CD80: variants seen among roughly 807,000 people sequenced by gnomAD.
CD80 encodes the protein T-lymphocyte activation antigen CD80.
Under a neutral mutation model 27.1 loss-of-function variants are expected in CD80, and 13 were observed. The ratio of observed to expected loss-of-function variants is 0.48; its 90% CI spans 0.31 to 0.76. The LOEUF is 0.76. CD80 is among the 30% of genes least tolerant of loss of function. CD80 has a pLI of 0.04. For synonymous variants in CD80, 125 were observed against 125.5 expected, an observed-to-expected ratio of 1.00 and a Z score of 0.03; for missense variants, 277 against 347.9, an observed-to-expected ratio of 0.80 and a Z score of 1.62.
At chr3:119,532,412 G>A (rs2082115761) in intron 4 of CD80, among the ~76,000 whole-genome samples, 1 of 151,876 alleles carries the variant, frequency 6.6e-6, no homozygotes, top group South Asian at 2.1e-4. Context: ...AGAATTGCTT[G>A]AACCAGGGAG....
chr3:119,524,669 A>T lies in CD80; in HGVS notation c.*1119T>A, dbSNP rs1479005777. 2.0e-5 allele frequency: 3 copies of T among 152,252 alleles called. No homozygotes were observed. The highest frequency in any genetic ancestry group is 4.4e-5 in the Non-Finnish European group (3 of 68,044). 9.4% of individuals were successfully genotyped at this position (152,252 alleles called of 1,614,324 possible). ...TTTTGCTGTTCAACTCCAGATTTTC[A>T]GATGATAATGTGATTATCCCAGCTT... On this transcript the variant is annotated 3_prime_UTR_variant, in exon 7 of 7. Coordinates refer to ENST00000264246, the MANE Select transcript of CD80 (RefSeq NM_005191.4).
At position 119,537,316 on chromosome 3, in the gene CD80, G is replaced by A. The variant is rs557789334; in HGVS notation, c.521C>T (p.Ser174Phe). 1,101 of 1,614,080 alleles carry A rather than the reference G, an allele frequency of 6.8e-4. 17 individuals carry two copies. The South Asian group carries it at 0.011, about 17-fold the overall frequency. ...TSGGFPEPHL[S>F]WLENGEELNA... ...TAATTCTTCTCCATTTTCCAACCAG[G>A]AGAGGTGAGGCTCTGGAAAACCTCC... is the stretch of plus-strand genomic sequence containing the variant. Residue 174 changes from serine to phenylalanine, a missense_variant, in exon 4 of 7, where the codon TCC becomes TTC. Coordinates refer to ENST00000264246, the MANE Select transcript of CD80 (RefSeq NM_005191.4).
At chr3:119,551,196 G>T (rs1189491634) in intron 2 of CD80, among the ~76,000 whole-genome samples, 1 of 152,156 alleles carries the variant, frequency 6.6e-6, no homozygotes, top group Non-Finnish European at 1.5e-5. Context: ...ATGAGGTCTG[G>T]CTCCATCCAC....
chr3:119,552,848 T>C (rs2082241662), intron 2 of CD80, among the ~76,000 whole-genome samples: 1 of 152,236 alleles, frequency 6.6e-6, no homozygotes, highest in Admixed American at 6.5e-5. Flanking sequence ...GTCCAGAATA[T>C]TCTTTCTTAC....
rs2082189064 is a variant in CD80 at position 119,544,530 on chromosome 3, A to T, written c.418+20T>A. The T allele has an allele frequency of 6.2e-7, 1 of 1,605,094 alleles. No individual in the cohort carries two copies. The highest frequency in any genetic ancestry group is 1.3e-5 in the African/African-American group (1 of 74,768). Reference sequence around the variant, plus strand: ...TTAAGAATCTGCCGGCCTAGAGTAAAATCAGAAAATCCCACCAACCTTTGA... The same window carrying T: ...TTAAGAATCTGCCGGCCTAGAGTAATATCAGAAAATCCCACCAACCTTTGA... On this transcript the variant is annotated intron_variant, in intron 3 of 6. Transcript: ENST00000264246.
At chr3:119,546,258 C>T (rs1302416958) in intron 2 of CD80, among the ~76,000 whole-genome samples, 5 of 152,134 alleles carry the variant, frequency 3.3e-5, no homozygotes, top group African/African-American at 1.2e-4. Flanking sequence ...GTTCTGGGTA[C>T]AGTGGTGGTG....
intron 2 of CD80, among the ~76,000 whole-genome samples, chr3:119,551,925 C>G (rs543097188): frequency 6.6e-6 from 1 of 152,350 alleles, no homozygotes; most frequent in Admixed American, 6.5e-5. Flanking sequence ...GCACCTCTAC[C>G]CAGCAGCAGT....
Position 119,557,786 on chromosome 3 carries a change from AG to A in CD80, c.-59del. 7.8e-7 allele frequency: 1 copy of A among 1,274,814 alleles called. No homozygotes were observed. The highest frequency in any genetic ancestry group is 1.1e-6 in the Non-Finnish European group (1 of 899,564). The allele number at this position is 1,274,814 out of a possible 1,614,324, so 79.0% of individuals were successfully genotyped here. A position where few individuals can be genotyped will look rare whatever the true frequency, so the allele number is the denominator to read the frequency against. On this transcript the variant is annotated 5_prime_UTR_variant, in exon 2 of 7. Transcript: ENST00000264246. ...CAACAATTTGGACCCAAGTAAGACC[AG>A]GGCACTTCCCAGGTGCAAAACAGGC...
intron 2 of CD80, among the ~76,000 whole-genome samples, chr3:119,549,258 T>C (rs2080936019): frequency 6.6e-6 from 1 of 152,074 alleles, no homozygotes; most frequent in African/African-American, 2.4e-5. Flanking sequence ...GCTAAAAGAG[T>C]TTTTATTTAA....
At chr3:119,543,983 G>C (rs952191207) in intron 3 of CD80, among the ~76,000 whole-genome samples, 2 of 150,912 alleles carry the variant, frequency 1.3e-5, no homozygotes, top group Admixed American at 6.6e-5. Context: ...CCGCCTCCCA[G>C]GTTCAAGCGA....
intron 2 of CD80, among the ~76,000 whole-genome samples, chr3:119,554,660 G>C (rs2082252992): frequency 6.6e-6 from 1 of 152,150 alleles, no homozygotes; most frequent in African/African-American, 2.4e-5. Context: ...TGTGGCAGGA[G>C]AGGAAGGCCT....
intron 3 of CD80, among the ~76,000 whole-genome samples, chr3:119,541,016 C>A (rs889396241): frequency 6.6e-6 from 1 of 151,764 alleles, no homozygotes; most frequent in African/African-American, 2.4e-5. Context: ...CCACTGCACT[C>A]TAGCCTGGGT....
chr3:119,530,027 G>A (rs1056722612), intron 4 of CD80, 90 bp from the exon 5 acceptor site: 3 of 909,968 alleles, frequency 3.3e-6, no homozygotes, highest in South Asian at 3.1e-5. Context: ...CAACTGTGGA[G>A]TATTCTTTGC....
At chr3:119,541,437 G>A (rs1440208428) in intron 3 of CD80, among the ~76,000 whole-genome samples, 4 of 152,168 alleles carry the variant, frequency 2.6e-5, no homozygotes, top group East Asian at 1.9e-4. Context: ...GGTAACCAAC[G>A]TGTCCTATTT....
At chr3:119,526,039 A>C (rs2082064358) in intron 6 of CD80, among the ~76,000 whole-genome samples, 2 of 152,072 alleles carry the variant, frequency 1.3e-5, no homozygotes, top group Admixed American at 1.3e-4. Context: ...GAGAACTTAA[A>C]ACTACTCTGG....
intron 4 of CD80, among the ~76,000 whole-genome samples, chr3:119,536,560 A>G (rs2082139521): frequency 6.6e-6 from 1 of 151,492 alleles, no homozygotes; most frequent in Non-Finnish European, 1.5e-5. Context: ...CTGGTCTTGA[A>G]CTCCTGGGCT....
intron 6 of CD80, 51 bp from the exon 7 acceptor site, chr3:119,525,800 A>G (rs1028069121): frequency 1.4e-4 from 21 of 150,494 alleles, no homozygotes; most frequent in Admixed American, 4.7e-4. Flanking sequence ...GCAAAGGAGG[A>G]AAACATCTTA....
At chr3:119,556,079 T>C (rs2082263149) in intron 2 of CD80, among the ~76,000 whole-genome samples, 1 of 152,218 alleles carries the variant, frequency 6.6e-6, no homozygotes, top group East Asian at 1.9e-4. Flanking sequence ...TTTCCGCAAC[T>C]AACATATGCA....
At chr3:119,537,580 A>T (rs1577108921) in intron 3 of CD80, among the ~76,000 whole-genome samples, 162 bp from the exon 4 acceptor site, 2 of 152,220 alleles carry the variant, frequency 1.3e-5, no homozygotes. Flanking sequence ...GGCAGGTGGA[A>T]CACCTGAGGT....
Sources: allele counts gnomAD v4.1 joint callset (sites outside exome capture counted in the v4.1 genomes callset), GRCh38; gene constraint gnomAD v4.1.1; transcripts MANE v1.5; gene names NCBI Gene and HGNC (gene_info 2026-07-23, HGNC 2026-07-21).